TENM2: variants seen among roughly 807,000 people sequenced by gnomAD.
TENM2 encodes the protein teneurin-2.
Under a neutral mutation model 245.2 loss-of-function variants are expected in TENM2, and 52 were observed. That is an observed-to-expected ratio of 0.21 (90% CI 0.17 to 0.27). The LOEUF is 0.27. Ranked by LOEUF, TENM2 falls within the 10% of genes least tolerant of loss-of-function variation. The pLI is 1.00. For missense variants in TENM2, 3,046 were observed against 3,666.8 expected, an observed-to-expected ratio of 0.83 and a Z score of 4.37; for synonymous variants, 1,363 against 1,438.9, an observed-to-expected ratio of 0.95 and a Z score of 1.19.
intron 2 of TENM2, among the ~76,000 whole-genome samples, chr5:167,714,891 G>T (rs1759156435): frequency 2.0e-5 from 3 of 152,162 alleles, no homozygotes; most frequent in Admixed American, 2.0e-4. Context: ...TGAGGAAATG[G>T]CTTCCAAATG....
intron 1 of TENM2, among the ~76,000 whole-genome samples, chr5:167,337,542 A>G (rs1419348887): frequency 6.6e-6 from 1 of 152,180 alleles, no homozygotes; most frequent in East Asian, 1.9e-4. Flanking sequence ...TGATTTGGGA[A>G]TGTAAAGGGG....
At chr5:167,142,426 G>A in the TENM2 span, among the ~76,000 whole-genome samples, 1 of 151,756 alleles carries the variant, frequency 6.6e-6, no homozygotes, top group South Asian at 2.1e-4. Flanking sequence ...TCTACATCCT[G>A]CCACTTTCCA....
chr5:167,526,958 CA>C (rs1299706761), intron 2 of TENM2, among the ~76,000 whole-genome samples: 2 of 152,030 alleles, frequency 1.3e-5, no homozygotes, highest in Non-Finnish European at 2.9e-5. Flanking sequence ...CACAATACAT[CA>C]AAACAGCATG....
intron 2 of TENM2, among the ~76,000 whole-genome samples, chr5:167,485,135 T>C (rs1582175114): frequency 1.3e-5 from 2 of 152,166 alleles, no homozygotes; most frequent in Admixed American, 1.3e-4. Flanking sequence ...ACTAGAGGAT[T>C]ATAAGGCTTT....
chr5:167,810,535 G>C (rs1403609951), intron 2 of TENM2, among the ~76,000 whole-genome samples: 5 of 151,826 alleles, frequency 3.3e-5, no homozygotes, highest in Non-Finnish European at 5.9e-5. Context: ...AGCTGTGAAG[G>C]TTGATGTTGA....
At chr5:167,912,742 G>A (rs1355699394) in intron 3 of TENM2, among the ~76,000 whole-genome samples, 1 of 152,196 alleles carries the variant, frequency 6.6e-6, no homozygotes, top group Non-Finnish European at 1.5e-5. Flanking sequence ...GTGTTAGGAT[G>A]TGAAGCAAAG....
chr5:168,123,135 G>A (rs2617975), intron 10 of TENM2, among the ~76,000 whole-genome samples: 1,697 of 103,086 alleles, frequency 0.016, 32 homozygotes, highest in African/African-American at 0.052. Context: ...CATTTCTAGA[G>A]AAAAAAAAAA....
chr5:167,576,168 T>G (rs745975360), intron 2 of TENM2, among the ~76,000 whole-genome samples: 2 of 152,198 alleles, frequency 1.3e-5, no homozygotes, highest in Admixed American at 6.5e-5. Flanking sequence ...AAAATAGAAC[T>G]AAAGTAAGCA....
the TENM2 span, among the ~76,000 whole-genome samples, chr5:167,072,893 G>C: frequency 1.2e-4 from 19 of 152,164 alleles, no homozygotes; most frequent in Admixed American, 1.2e-3. Context: ...CTAGAAAAAT[G>C]CATTTGAACT....
chr5:167,213,846 C>G, the TENM2 span, among the ~76,000 whole-genome samples: 1 of 152,250 alleles, frequency 6.6e-6, no homozygotes, highest in South Asian at 2.1e-4. Context: ...TATGTGAGGT[C>G]TTCAGGAATT....
At chr5:167,683,015 A>G (rs1336276670) in intron 2 of TENM2, among the ~76,000 whole-genome samples, 2 of 152,164 alleles carry the variant, frequency 1.3e-5, no homozygotes, top group Non-Finnish European at 2.9e-5. Context: ...CTATAATAAG[A>G]CTTGATTTAA....
intron 1 of TENM2, among the ~76,000 whole-genome samples, chr5:167,312,234 TACATA>T (rs1756077352): frequency 6.6e-6 from 1 of 152,224 alleles, no homozygotes; most frequent in African/African-American, 2.4e-5. Context: ...TTCATGAACA[TACATA>T]ACATCATAAT....
intron 2 of TENM2, among the ~76,000 whole-genome samples, chr5:167,796,130 A>G (rs1174295093): frequency 1.3e-5 from 2 of 152,190 alleles, no homozygotes; most frequent in Non-Finnish European, 2.9e-5. Context: ...TTTTGTCTCC[A>G]CTGACACCAC....
chr5:167,533,356 C>T (rs943229365), intron 2 of TENM2, among the ~76,000 whole-genome samples: 1 of 152,136 alleles, frequency 6.6e-6, no homozygotes, highest in Non-Finnish European at 1.5e-5. Context: ...TTTGTACAGG[C>T]TTGAGTACAA....
At chr5:167,732,748 C>T (rs1346269363) in intron 2 of TENM2, among the ~76,000 whole-genome samples, 1 of 152,238 alleles carries the variant, frequency 6.6e-6, no homozygotes, top group South Asian at 2.1e-4. Context: ...GTTATTCCAT[C>T]ATTGAATGGG....
chr5:167,343,090 A>G (rs1169191988), intron 1 of TENM2, among the ~76,000 whole-genome samples: 2 of 151,992 alleles, frequency 1.3e-5, no homozygotes, highest in South Asian at 2.1e-4. Flanking sequence ...TATTTTATTT[A>G]CTTTGTTGCT....
At chr5:167,655,123 G>A (rs1754757643) in intron 2 of TENM2, among the ~76,000 whole-genome samples, 1 of 152,108 alleles carries the variant, frequency 6.6e-6, no homozygotes, top group Admixed American at 6.5e-5. Flanking sequence ...CTGGTTGTAA[G>A]CAACAGAAAC....
intron 5 of TENM2, among the ~76,000 whole-genome samples, chr5:168,021,915 T>TAA (rs1786184546): frequency 6.6e-6 from 1 of 152,236 alleles, no homozygotes; most frequent in African/African-American, 2.4e-5. Flanking sequence ...TCCTAAGTGG[T>TAA]AACAGGCCCT....
At chr5:167,173,820 A>G in the TENM2 span, among the ~76,000 whole-genome samples, 24 of 152,152 alleles carry the variant, frequency 1.6e-4, no homozygotes, top group South Asian at 1.2e-3. Context: ...AAAAAAATAT[A>G]GAAGTAATAT....
Sources: gnomAD v4.1 joint callset for allele counts (sites outside exome capture counted in the v4.1 genomes callset) on GRCh38, gnomAD v4.1.1 for gene constraint, MANE v1.5 for transcripts, NCBI Gene and HGNC (gene_info 2026-07-23, HGNC 2026-07-21) for gene names.